Variants in USP16 observed in about 807,000 individuals in gnomAD.
USP16 encodes the protein ubiquitin carboxyl-terminal hydrolase 16.
In USP16, 77 loss-of-function variants were observed where a neutral mutation model predicts 95.9. That is an observed-to-expected ratio of 0.80 (90% CI 0.67 to 0.97). The LOEUF (loss-of-function observed/expected upper bound fraction) is 0.97. Ranked by LOEUF, USP16 falls within the 50% of genes least tolerant of loss-of-function variation. The pLI, the probability that USP16 is intolerant of heterozygous loss-of-function variation, is 0.00. For synonymous variants in USP16, 303 were observed against 318.2 expected, an observed-to-expected ratio of 0.95 and a Z score of 0.51; for missense variants, 943 against 959.9, an observed-to-expected ratio of 0.98 and a Z score of 0.23.
rs548004389 is a variant in USP16, at chr21:29,053,670, T to G, written c.2194-132T>G. 5.9e-6 allele frequency: 5 copies of G among 853,014 alleles called. No individual in the cohort carries two copies. The East Asian group carries it at 1.3e-4, about 21-fold the overall frequency. 52.8% of individuals were successfully genotyped at this position (853,014 alleles called of 1,614,324 possible). ...CTGAGAAGAGGTATGGAGAAAAGAG[T>G]AGACTCATGAATGATTTCTGCACTC... On this transcript the variant is annotated intron_variant, in intron 16 of 17. Coordinates refer to ENST00000399976, the MANE Select transcript of USP16 (RefSeq NM_006447.3).
chr21:29,053,707 G>C (rs2085451070), intron 16 of USP16, 95 bp from the exon 17 acceptor site: 1 of 1,305,088 alleles, frequency 7.7e-7, no homozygotes, highest in South Asian at 1.4e-5. Context: ...CAAAGTAATG[G>C]TTAAAGACCC....
chr21:29,051,863 A>G (rs1418870607), intron 16 of USP16, among the ~76,000 whole-genome samples: 1 of 151,610 alleles, frequency 6.6e-6, no homozygotes, highest in Non-Finnish European at 1.5e-5. Flanking sequence ...AGTTGCTGTG[A>G]TGGGCATAAT....
intron 4 of USP16, among the ~76,000 whole-genome samples, chr21:29,035,379 C>CTT (rs938059997): frequency 7.0e-6 from 1 of 143,376 alleles, no homozygotes. Flanking sequence ...TGAATGACAT[C>CTT]TTTTTTTTTT....
intron 5 of USP16, 34 bp from the exon 6 acceptor site, chr21:29,037,242 T>G: frequency 7.3e-7 from 1 of 1,372,224 alleles, no homozygotes; most frequent in Non-Finnish European, 1.0e-6. Context: ...ATGACTGTAT[T>G]ACACATTTTG....
chr21:29,049,998 T>TGA, intron 15 of USP16, 94 bp from the exon 16 acceptor site: 1 of 1,038,750 alleles, frequency 9.6e-7, no homozygotes, highest in South Asian at 1.6e-5. Context: ...GACTTAATGT[T>TGA]GATATTCTTT....
Position 29,024,919 on chromosome 21 carries a change from C to T in USP16, c.-42+142C>T, listed in dbSNP as rs1229057483. 1.1e-5 allele frequency: 9 copies of T among 854,302 alleles called. No homozygotes were observed. The Admixed American group carries it at 1.2e-4, about 11-fold the overall frequency. 52.9% of individuals were successfully genotyped at this position (854,302 alleles called of 1,614,324 possible). A position where few individuals can be genotyped will look rare whatever the true frequency, so the allele number is the denominator to read the frequency against. ...GTAACCCGGCTACTTTCCGGTACTG[C>T]GATCTCATTGGCTGCATGTTCTGTC... On this transcript the variant is annotated intron_variant, in intron 1 of 17. Coordinates refer to ENST00000399976, the MANE Select transcript of USP16 (RefSeq NM_006447.3).
At chr21:29,049,726 A>G (rs1036268337) in intron 15 of USP16, among the ~76,000 whole-genome samples, 4 of 152,186 alleles carry the variant, frequency 2.6e-5, no homozygotes, top group Admixed American at 2.0e-4. Context: ...TGTCCAGCTA[A>G]TTTTTTAATT....
At chr21:29,026,293 T>C (rs1197851404) in intron 1 of USP16, among the ~76,000 whole-genome samples, 1 of 151,810 alleles carries the variant, frequency 6.6e-6, no homozygotes, top group Non-Finnish European at 1.5e-5. Context: ...CCGTCTCTAC[T>C]AAAAATACAA....
chr21:29,026,592 G>T (rs2084994763), intron 1 of USP16: 1 of 112,020 alleles, frequency 8.9e-6, no homozygotes, highest in Non-Finnish European at 1.7e-5. Context: ...TTGTTGCCCA[G>T]GCTAGTCTTG....
chr21:29,042,603 T>G (rs1229543564), intron 12 of USP16, 75 bp downstream of exon 12: 4 of 1,361,954 alleles, frequency 2.9e-6, no homozygotes, highest in Non-Finnish European at 4.1e-6. Flanking sequence ...GCCTTGTTAC[T>G]CTTTTTAAGT....
intron 16 of USP16, chr21:29,053,531 G>A (rs1568903157): frequency 3.0e-6 from 1 of 333,500 alleles, no homozygotes; most frequent in Non-Finnish European, 5.5e-6. Context: ...CTGGCAAGTT[G>A]AATTCAGTTA....
chr21:29,047,100 A>C lies in USP16; in HGVS notation c.1790A>C (p.Asp597Ala). The C allele has an allele frequency of 6.2e-7, 1 of 1,614,094 alleles. No individual in the cohort carries two copies. Among genetic ancestry groups the C allele is most frequent in the South Asian group, 1.1e-5 (1 of 91,084 alleles). The change falls in exon 14 of 18, where the codon GAT becomes GCT. Residue 597 changes from aspartate (D) to alanine (A), a missense_variant. Asp to Ala is a moderately radical substitution (Grantham distance 126, BLOSUM62 -2). Transcript: ENST00000399976. Reference sequence around the variant, plus strand: ...GAAATAAATATAGAGATTCTGAATGATAGTCATACTCCTGGAACAAAGGTG... The same window carrying C: ...GAAATAAATATAGAGATTCTGAATGCTAGTCATACTCCTGGAACAAAGGTG... ...PDEINIEILN[D>A]SHTPGTKVYE...
chr21:29,036,210 T>C (rs1389522661), intron 4 of USP16, 61 bp from the exon 5 acceptor site: 1 of 1,356,492 alleles, frequency 7.4e-7, no homozygotes, highest in Non-Finnish European at 1.0e-6. Flanking sequence ...GGAATTATTA[T>C]TTGTCTCCCC....
chr21:29,024,882 C>T, intron 1 of USP16, 105 bp downstream of exon 1: 1 of 1,135,072 alleles, frequency 8.8e-7, no homozygotes, highest in Non-Finnish European at 1.1e-6. Context: ...GAAGGCCGCT[C>T]TCCTTAAGCA....
At chr21:29,035,528 C>T (rs1425247635) in intron 4 of USP16, among the ~76,000 whole-genome samples, 2 of 151,786 alleles carry the variant, frequency 1.3e-5, no homozygotes, top group Admixed American at 1.3e-4. Context: ...GATGCACCAC[C>T]ACGCCCGGCT....
At position 29,048,808 on chromosome 21, in the gene USP16, T is replaced by C. The variant is rs2085370189; in HGVS notation, c.2059T>C (p.Ser687Pro). The change falls in exon 15 of 18, where the codon TCT becomes CCT. Residue 687 changes from serine (S) to proline (P), a missense_variant. Transcript: ENST00000399976. ...CAATGCCAAAAAGCAGATGCTAATT[T>C]CTCTTGCTCCTCCTGTTCTTACTCT... ...YTNAKKQMLI[S>P]LAPPVLTLHL... 1 of 1,613,804 alleles carries C rather than the reference T, an allele frequency of 6.2e-7. No homozygotes were observed. The highest frequency in any genetic ancestry group is 8.5e-7 in the Non-Finnish European group (1 of 1,179,960).
chr21:29,028,726 C>T (rs759375147), intron 2 of USP16, among the ~76,000 whole-genome samples: 6 of 152,180 alleles, frequency 3.9e-5, no homozygotes, highest in Admixed American at 1.3e-4. Flanking sequence ...TGAGCCACCG[C>T]GCCCGACCTT....
intron 12 of USP16, chr21:29,042,975 A>G (rs2085267248): frequency 6.4e-6 from 1 of 155,968 alleles, no homozygotes; most frequent in Non-Finnish European, 1.4e-5. Flanking sequence ...ATGAATTATG[A>G]GACCCTTGGC....
intron 4 of USP16, among the ~76,000 whole-genome samples, chr21:29,035,897 A>G (rs1400696780): frequency 6.6e-6 from 1 of 152,108 alleles, no homozygotes; most frequent in East Asian, 1.9e-4. Context: ...CAGCCTGGGC[A>G]ACAGAGCGAG....
Sources: gnomAD v4.1 joint callset for allele counts (sites outside exome capture counted in the v4.1 genomes callset) on GRCh38, gnomAD v4.1.1 for gene constraint, MANE v1.5 for transcripts, NCBI Gene and HGNC (gene_info 2026-07-23, HGNC 2026-07-21) for gene names.